A2M: variants seen among roughly 807,000 people sequenced by gnomAD.
A2M encodes alpha-2-macroglobulin.
A neutral mutation model predicts 183.9 loss-of-function variants in A2M; 128 were observed. That is an observed-to-expected ratio of 0.70 (90% CI 0.60 to 0.81). The LOEUF (loss-of-function observed/expected upper bound fraction) is 0.81. A2M is among the 30% of genes least tolerant of loss of function. The pLI, the probability that A2M is intolerant of heterozygous loss-of-function variation, is 0.00. For synonymous variants in A2M, 592 were observed against 670.8 expected (o/e 0.88, Z 1.81); for missense variants, 1,495 against 1,787.6 (o/e 0.84, Z 2.95).
chr12:9,109,805 C>T (rs1938586004), intron 6 of A2M, 62 bp downstream of exon 6: 7 of 1,476,336 alleles, frequency 4.7e-6, no homozygotes, highest in Non-Finnish European at 6.4e-6. Flanking sequence ...AACTTAAATT[C>T]CAGGACCTAA....
chr12:9,103,683 C>T (rs1201710994), intron 11 of A2M, among the ~76,000 whole-genome samples: 9 of 152,190 alleles, frequency 5.9e-5, no homozygotes, highest in African/African-American at 2.2e-4. Context: ...TTGTGACTAG[C>T]TTATTTCACT....
At chr12:9,075,647 T>C (rs1271127279) in intron 28 of A2M, among the ~76,000 whole-genome samples, 1 of 152,234 alleles carries the variant, frequency 6.6e-6, no homozygotes, top group Non-Finnish European at 1.5e-5. Flanking sequence ...AATGTTTCTC[T>C]TGTTTCTTGA....
intron 25 of A2M, among the ~76,000 whole-genome samples, chr12:9,078,783 T>C (rs767922416): frequency 6.6e-6 from 1 of 152,254 alleles, no homozygotes; most frequent in African/African-American, 2.4e-5. Flanking sequence ...AATTTTAATA[T>C]TGCTTTACTT....
Position 9,068,822 on chromosome 12 carries a change from G to A in A2M, c.4284C>T (p.Ser1428=). 4 of 1,602,442 alleles carry A rather than the reference G, an allele frequency of 2.5e-6. No individual in the cohort carries two copies. Among genetic ancestry groups the A allele is most frequent in the Middle Eastern group, 1.7e-4 (1 of 6,046 alleles). ...CATCTTGCAGAACCGTGAAGAACAA[G>A]CTCAGTGTCTGATTTGACACCTGGA... ...YLDKVSNQTL[S]LFFTVLQDVP... The change falls in exon 34 of 36, where the codon AGC becomes AGT. Residue 1428 remains serine (S), a synonymous_variant. Transcript: ENST00000318602.
Position 9,104,234 on chromosome 12 carries a change from C to G in A2M, c.1266+5G>C. ...ATGTCATTGGTAATTTCTTTCCAAACTTACCCTAACAGTAAGAGAGGTACC... is the reference window on the plus strand; with the variant it reads ...ATGTCATTGGTAATTTCTTTCCAAAGTTACCCTAACAGTAAGAGAGGTACC... On this transcript the variant is annotated splice_donor_5th_base_variant and intron_variant, in intron 11 of 35. Coordinates refer to ENST00000318602, the MANE Select transcript of A2M (RefSeq NM_000014.6). The G allele has an allele frequency of 6.2e-7, 1 of 1,605,596 alleles. No individual in the cohort carries two copies. Among genetic ancestry groups the G allele is most frequent in the East Asian group, 2.2e-5 (1 of 44,592 alleles).
chr12:9,077,351 C>A lies in A2M; in HGVS notation c.3346G>T (p.Val1116Phe). ...AGGAATGGGGTGGTACCTACAGTGA[C>A]TGTGAGAGGAATCTCCAGAAGGGCG... ...TIALLEIPLT[V>F]THPVVRNALF... The change falls in exon 27 of 36, where the codon GTC (valine) becomes TTC (phenylalanine). Residue 1116 changes from valine (V) to phenylalanine (F), a missense_variant. Physicochemically the swap from Val to Phe is conservative, Grantham distance 50. Transcript: ENST00000318602. 1 of 1,612,988 alleles carries A rather than the reference C, an allele frequency of 6.2e-7. No individual in the cohort carries two copies. Among genetic ancestry groups the A allele is most frequent in the Non-Finnish European group, 8.5e-7 (1 of 1,179,462 alleles).
intron 2 of A2M, 88 bp downstream of exon 2, chr12:9,113,272 C>G (rs1344868376): frequency 7.0e-7 from 1 of 1,421,190 alleles, no homozygotes; most frequent in African/African-American, 1.4e-5. Flanking sequence ...TTCTTACCAA[C>G]CTCCCAAAGC....
At chr12:9,079,490 G>A (rs1948842833) in intron 24 of A2M, 149 bp downstream of exon 24, 1 of 1,027,620 alleles carries the variant, frequency 9.7e-7, no homozygotes, top group Non-Finnish European at 1.4e-6. Context: ...GGAGGTTGGA[G>A]AGTGGATAGT....
At position 9,104,349 on chromosome 12, in the gene A2M, T is replaced by A. The variant is rs370348653; in HGVS notation, c.1156A>T (p.Ile386Phe). 6.2e-7 allele frequency: 1 copy of A among 1,606,890 alleles called. No homozygotes were observed. The highest frequency in any genetic ancestry group is 1.3e-5 in the African/African-American group (1 of 74,886). ...TAATAGTTTGCTTCATTTCCTCTGA[T>A]GAATATGACTTTATTTGGTATAGGG... The part of the protein sequence containing the change: ...GVPIPNKVIF[I>F]RGNEANYYSN... The change falls in exon 11 of 36, where the codon ATC (isoleucine) becomes TTC (phenylalanine). Residue 386 changes from isoleucine to phenylalanine, a missense_variant. Physicochemically the swap from Ile to Phe is conservative, Grantham distance 21. Transcript: ENST00000318602.
intron 25 of A2M, among the ~76,000 whole-genome samples, 191 bp downstream of exon 25, chr12:9,079,053 C>T (rs911776802): frequency 1.3e-5 from 2 of 151,388 alleles, no homozygotes; most frequent in African/African-American, 4.9e-5. Context: ...TGGAAACAAG[C>T]CTAACATAAC....
intron 17 of A2M, 45 bp from the exon 18 acceptor site, chr12:9,093,624 A>C (rs1401127232): frequency 2.6e-6 from 3 of 1,145,704 alleles, no homozygotes; most frequent in East Asian, 2.5e-5. Context: ...CATACAGATA[A>C]AGCTTATGAG....
At position 9,080,080 on chromosome 12, in the gene A2M, G is replaced by A. The variant is rs1448242789; in HGVS notation, c.2854+14C>T. On this transcript the variant is annotated intron_variant, in intron 23 of 35. Coordinates refer to ENST00000318602, the MANE Select transcript of A2M (RefSeq NM_000014.6). ...GCTGTTAATGCCCGGATCCACTAGG[G>A]GCTGGAGACTCACCCAAAACTGAGA... The A allele has an allele frequency of 1.3e-6, 2 of 1,560,450 alleles. No homozygotes were observed. The highest frequency in any genetic ancestry group is 1.7e-6 in the Non-Finnish European group (2 of 1,147,860).
At chr12:9,100,072 G>A (rs960088132) in intron 13 of A2M, among the ~76,000 whole-genome samples, 1 of 152,162 alleles carries the variant, frequency 6.6e-6, no homozygotes, top group African/African-American at 2.4e-5. Context: ...TTTCTAGCAA[G>A]TTATCTTTTA....
At chr12:9,077,517 C>G in intron 26 of A2M, 97 bp from the exon 27 acceptor site, 1 of 1,464,112 alleles carries the variant, frequency 6.8e-7, no homozygotes. Flanking sequence ...CATCCTTACC[C>G]ATATCCATCC....
At chr12:9,083,077 C>T (rs1042376341) in intron 22 of A2M, among the ~76,000 whole-genome samples, 4 of 152,162 alleles carry the variant, frequency 2.6e-5, no homozygotes, top group Admixed American at 1.3e-4. Flanking sequence ...CTCTCCAGCA[C>T]CTGTTGTTTC....
chr12:9,094,597 T>G (rs1260555812), intron 17 of A2M, among the ~76,000 whole-genome samples: 1 of 151,988 alleles, frequency 6.6e-6, no homozygotes, highest in Non-Finnish European at 1.5e-5. Context: ...TGATTACTAT[T>G]CAGTTCATCA....
chr12:9,109,410 T>A lies in A2M; in HGVS notation c.674-5A>T, dbSNP rs764568022. 4.4e-6 allele frequency: 7 copies of A among 1,609,024 alleles called. No individual in the cohort carries two copies. The highest frequency in any genetic ancestry group is 6.0e-6 in the Non-Finnish European group (7 of 1,176,014). On this transcript the variant is annotated splice_region_variant and splice_polypyrimidine_tract_variant and intron_variant, in intron 6 of 35. Transcript: ENST00000318602. ...GTACTTCAAACTTGGGAAGAACTGT[T>A]GATTGGTGATAAAGAAGGTTGGTGA... is the stretch of plus-strand genomic sequence containing the variant.
intron 13 of A2M, among the ~76,000 whole-genome samples, chr12:9,100,077 C>T (rs1225637192): frequency 1.3e-5 from 2 of 152,250 alleles, no homozygotes; most frequent in East Asian, 1.9e-4. Flanking sequence ...AGCAAGTTAT[C>T]TTTTAGAGTC....
rs545926870 is a variant in A2M at position 9,093,481 on chromosome 12, C to G, written c.2224G>C (p.Asp742His). 6.2e-7 allele frequency: 1 copy of G among 1,613,766 alleles called. No homozygotes were observed. Among genetic ancestry groups the G allele is most frequent in the East Asian group, 2.2e-5 (1 of 44,882 alleles). The change falls in exon 18 of 36, where the codon GAT becomes CAT. Residue 742 changes from aspartate (D) to histidine (H), a missense_variant. Transcript: ENST00000318602. ...RKYFPETWIW[D>H]LVVVNSAGVA... ...GTTACTTACTTTACCACCACCAAAT[C>G]CCAGATCCATGTCTCAGGGAAGTAC...
Sources: gnomAD v4.1 joint callset for allele counts (sites outside exome capture counted in the v4.1 genomes callset) on GRCh38, gnomAD v4.1.1 for gene constraint, MANE v1.5 for transcripts, NCBI Gene and HGNC (gene_info 2026-07-23, HGNC 2026-07-21) for gene names.